Variants in LINGO2 observed in about 807,000 individuals in gnomAD.
The protein encoded by LINGO2 is leucine rich repeat and Ig domain containing 2.
LINGO2 carries 14 observed loss-of-function variants against 30.6 expected under a neutral mutation model. The ratio of observed to expected loss-of-function variants is 0.46; its 90% CI spans 0.30 to 0.72. LINGO2 has a LOEUF of 0.72. LINGO2 is among the 30% of genes least tolerant of loss of function. The pLI is 0.07. For synonymous variants in LINGO2, 317 were observed against 288.5 expected, an observed-to-expected ratio of 1.10 and a Z score of -1.00; for missense variants, 729 against 751.7, an observed-to-expected ratio of 0.97 and a Z score of 0.35.
chr9:27,990,276 T>C (rs957560181), intron 5 of LINGO2, among the ~76,000 whole-genome samples: 3 of 130,438 alleles, frequency 2.3e-5, no homozygotes, highest in Admixed American at 1.5e-4. Flanking sequence ...ACATCTAATG[T>C]AGCTTTGCCA....
intron 2 of LINGO2, among the ~76,000 whole-genome samples, chr9:28,423,278 A>T (rs28661027): frequency 0.13 from 19,292 of 152,052 alleles, 1,418 homozygotes; most frequent in East Asian, 0.24. Flanking sequence ...GAATGTCCTA[A>T]GACTACATGT....
intron 5 of LINGO2, among the ~76,000 whole-genome samples, chr9:27,989,871 C>G (rs1485504865): frequency 1.3e-5 from 2 of 151,918 alleles, no homozygotes; most frequent in Non-Finnish European, 2.9e-5. Context: ...TGATTTCAAG[C>G]CTTTTGCTCT....
At chr9:28,790,592 C>G in the LINGO2 span, among the ~76,000 whole-genome samples, 1 of 151,534 alleles carries the variant, frequency 6.6e-6, no homozygotes, top group Admixed American at 6.6e-5. Flanking sequence ...CCTCGGGCTC[C>G]CAAAATGCTG....
intron 4 of LINGO2, among the ~76,000 whole-genome samples, chr9:28,237,124 G>GGC (rs1554691309): frequency 9.8e-5 from 13 of 131,986 alleles, no homozygotes; most frequent in African/African-American, 4.1e-4. Flanking sequence ...GTGCGGGGGG[G>GGC]GGGTAAAGTT....
intron 4 of LINGO2, among the ~76,000 whole-genome samples, chr9:28,185,883 C>G (rs1819523146): frequency 6.6e-6 from 1 of 152,032 alleles, no homozygotes; most frequent in Admixed American, 6.6e-5. Flanking sequence ...GGAGTCATTT[C>G]TAAGATTATA....
At chr9:28,101,371 C>T (rs575578154) in intron 4 of LINGO2, among the ~76,000 whole-genome samples, 2 of 152,078 alleles carry the variant, frequency 1.3e-5, no homozygotes, top group African/African-American at 4.8e-5. Context: ...TGTTAGTATA[C>T]AAAATTAAAG....
intron 2 of LINGO2, among the ~76,000 whole-genome samples, chr9:28,438,827 CATATATAT>C (rs200082723): frequency 2.3e-5 from 3 of 130,816 alleles, no homozygotes; most frequent in African/African-American, 5.6e-5. Context: ...AAAATATATA[CATATATAT>C]ATATATATAT....
chr9:27,955,781 C>T (rs1197162921), intron 5 of LINGO2, among the ~76,000 whole-genome samples: 11 of 151,870 alleles, frequency 7.2e-5, no homozygotes, highest in African/African-American at 2.7e-4. Context: ...AAATATATAC[C>T]TAGAAATATA....
intron 4 of LINGO2, among the ~76,000 whole-genome samples, chr9:28,123,732 C>T (rs886680281): frequency 6.6e-6 from 1 of 151,688 alleles, no homozygotes; most frequent in Non-Finnish European, 1.5e-5. Context: ...GGCGTGATCT[C>T]GGCTCACTGC....
intron 4 of LINGO2, among the ~76,000 whole-genome samples, chr9:28,094,412 A>G (rs906880690): frequency 6.6e-6 from 1 of 152,134 alleles, no homozygotes; most frequent in African/African-American, 2.4e-5. Flanking sequence ...GGTGTATGCC[A>G]GCACTTATAA....
At chr9:28,288,232 A>G (rs959333172) in intron 4 of LINGO2, among the ~76,000 whole-genome samples, 28 of 152,254 alleles carry the variant, frequency 1.8e-4, no homozygotes, top group African/African-American at 6.7e-4. Context: ...CACTTCTTGC[A>G]TCTCTCCCAA....
chr9:28,153,844 C>A (rs952242285), intron 4 of LINGO2, among the ~76,000 whole-genome samples: 3 of 151,992 alleles, frequency 2.0e-5, no homozygotes, highest in Non-Finnish European at 4.4e-5. Flanking sequence ...GGGGGGGATA[C>A]TATATCCTAG....
At chr9:28,021,749 A>T (rs1227930070) in intron 4 of LINGO2, among the ~76,000 whole-genome samples, 2 of 152,078 alleles carry the variant, frequency 1.3e-5, no homozygotes, top group South Asian at 4.1e-4. Flanking sequence ...TTTATCCCAG[A>T]TAATTTTCCT....
chr9:27,990,141 T>A (rs1038416051), intron 5 of LINGO2, among the ~76,000 whole-genome samples: 3 of 152,018 alleles, frequency 2.0e-5, no homozygotes, highest in Non-Finnish European at 2.9e-5. Context: ...TTTTTACACA[T>A]ACATTGTCCA....
the LINGO2 span, among the ~76,000 whole-genome samples, chr9:28,764,771 A>G: frequency 6.6e-6 from 1 of 151,972 alleles, no homozygotes; most frequent in Non-Finnish European, 1.5e-5. Flanking sequence ...CTGCCAAAAG[A>G]TCATTAGAAA....
rs571277867 is a variant in LINGO2, at chr9:28,630,069, A to G, written c.-365+40131T>C. The stretch of plus-strand genomic sequence containing the variant: ...AGTTTACTGAGAATGATGATTTCCA[A>G]TTTCATCCATGTCCCTACAAAGGAC... On this transcript the variant is annotated intron_variant, in intron 1 of 5. Coordinates refer to ENST00000379992, the Ensembl canonical transcript of LINGO2. Among the ~76,000 whole-genome samples the G allele has an allele frequency of 3.5e-4, 53 of 151,994 alleles. 1 individual carries two copies. Among genetic ancestry groups the G allele is most frequent in the African/African-American group, 1.3e-3 (52 of 41,472 alleles).
At chr9:28,023,794 G>A (rs1480212667) in intron 4 of LINGO2, among the ~76,000 whole-genome samples, 4 of 152,100 alleles carry the variant, frequency 2.6e-5, no homozygotes, top group Non-Finnish European at 5.9e-5. Context: ...AGAACCTGGT[G>A]ACTTTCCTAG....
chr9:28,119,025 C>T (rs560317685), intron 4 of LINGO2, among the ~76,000 whole-genome samples: 12 of 147,040 alleles, frequency 8.2e-5, no homozygotes, highest in African/African-American at 1.3e-4. Context: ...ATATAATTTT[C>T]GTTAAAACAT....
chr9:28,624,677 T>C (rs957504033), intron 1 of LINGO2, among the ~76,000 whole-genome samples: 10 of 151,794 alleles, frequency 6.6e-5, no homozygotes, highest in African/African-American at 2.4e-4. Flanking sequence ...CAGGGTAGTA[T>C]TGGCCTTGTA....
Sources: gnomAD v4.1 joint callset for allele counts (sites outside exome capture counted in the v4.1 genomes callset) on GRCh38, gnomAD v4.1.1 for gene constraint, MANE v1.5 for transcripts, NCBI Gene and HGNC (gene_info 2026-07-23, HGNC 2026-07-21) for gene names.